DNM3: variants seen among roughly 807,000 people sequenced by gnomAD.
DNM3 encodes dynamin 3.
Under a neutral mutation model 101.6 loss-of-function variants are expected in DNM3, and 47 were observed. That is an observed-to-expected ratio of 0.46 (90% CI 0.37 to 0.59). The LOEUF is 0.59. Among genes scored for constraint, DNM3 ranks in the 20% least tolerant of loss-of-function variants. The pLI is 0.00. For missense variants in DNM3, 849 were observed against 1,085.7 expected (o/e 0.78, Z 3.06); for synonymous variants, 385 against 387.9 (o/e 0.99, Z 0.09).
At chr1:171,842,919 A>G (rs10798695) in intron 1 of DNM3, among the ~76,000 whole-genome samples, 93,100 of 152,110 alleles carry the variant, frequency 0.61, 28,843 homozygotes, top group East Asian at 0.8. Context: ...TTTCCTAGTA[A>G]TAGAAAACCA....
chr1:172,378,109 G>A (rs2068706445), intron 17 of DNM3: 1 of 151,988 alleles, frequency 6.6e-6, no homozygotes, highest in South Asian at 2.1e-4. Flanking sequence ...CTAGAAAGTA[G>A]CCAGACCACT....
At chr1:172,153,429 A>G (rs1474310076) in intron 14 of DNM3, among the ~76,000 whole-genome samples, 1 of 152,174 alleles carries the variant, frequency 6.6e-6, no homozygotes, top group Non-Finnish European at 1.5e-5. Flanking sequence ...TTATTTTATC[A>G]AAAGGCAGTG....
chr1:171,916,532 T>G (rs1242498253), intron 1 of DNM3, among the ~76,000 whole-genome samples: 1 of 152,160 alleles, frequency 6.6e-6, no homozygotes, highest in Non-Finnish European at 1.5e-5. Context: ...AGATTCCACA[T>G]CAAAGCAATC....
intron 1 of DNM3, among the ~76,000 whole-genome samples, chr1:171,903,351 G>T (rs2038544450): frequency 6.6e-6 from 1 of 151,994 alleles, no homozygotes; most frequent in Non-Finnish European, 1.5e-5. Context: ...TCTTTCCTTT[G>T]TACTTGGATA....
intron 18 of DNM3, among the ~76,000 whole-genome samples, chr1:172,383,857 T>C (rs1474599649): frequency 6.6e-6 from 1 of 152,204 alleles, no homozygotes; most frequent in Non-Finnish European, 1.5e-5. Flanking sequence ...TGAGGTTTCA[T>C]GTGTGAGAAC....
chr1:172,063,282 ATAGCG>A (rs2051389774), intron 10 of DNM3, among the ~76,000 whole-genome samples: 1 of 152,156 alleles, frequency 6.6e-6, no homozygotes, highest in Non-Finnish European at 1.5e-5. Flanking sequence ...ATGTACTAGC[ATAGCG>A]TAGATCTTAT....
In DNM3 at chr1:171,927,507, T is replaced by C. The variant is rs558363797; in HGVS notation, c.235+5686T>C. On this transcript the variant is annotated intron_variant, in intron 2 of 20. Coordinates refer to ENST00000627582, the MANE Select transcript of DNM3 (RefSeq NM_015569.5). ...AGTGAGAAAATGCAATATTTGGTTT[T>C]CTGTTCCTGCGTTAGTTTGCCAAGG... 2.6e-5 allele frequency among the ~76,000 whole-genome samples: 4 copies of C among 152,352 alleles called. No individual in the cohort carries two copies. In the South Asian group the frequency reaches 8.3e-4, roughly 32 times the overall value.
At chr1:172,167,113 C>A (rs1377038717) in intron 14 of DNM3, among the ~76,000 whole-genome samples, 1 of 151,956 alleles carries the variant, frequency 6.6e-6, no homozygotes, top group Non-Finnish European at 1.5e-5. Flanking sequence ...TGTTCCTCAC[C>A]CTGTGTCCAA....
At chr1:171,903,571 G>T (rs1046543256) in intron 1 of DNM3, among the ~76,000 whole-genome samples, 1 of 152,170 alleles carries the variant, frequency 6.6e-6, no homozygotes, top group Non-Finnish European at 1.5e-5. Context: ...GAAAGTACAG[G>T]TAAAAGAGAG....
At chr1:171,999,569 T>C (rs138686859) in intron 4 of DNM3, among the ~76,000 whole-genome samples, 120 of 152,278 alleles carry the variant, frequency 7.9e-4, no homozygotes, top group Middle Eastern at 3.4e-3. Context: ...TATAGTGGTA[T>C]ACAGGTTTAA....
At chr1:172,081,393 GA>G (rs1178707330) in intron 11 of DNM3, among the ~76,000 whole-genome samples, 1 of 151,892 alleles carries the variant, frequency 6.6e-6, no homozygotes, top group African/African-American at 2.4e-5. Flanking sequence ...AGAGGAGAGA[GA>G]AAAAAAGAGG....
At chr1:172,199,440 G>A (rs926649457) in intron 14 of DNM3, among the ~76,000 whole-genome samples, 1 of 151,952 alleles carries the variant, frequency 6.6e-6, no homozygotes, top group Admixed American at 6.6e-5. Flanking sequence ...TGTCCATGTC[G>A]AGTTTAGGTT....
intron 14 of DNM3, among the ~76,000 whole-genome samples, chr1:172,184,358 T>G (rs914789779): frequency 6.6e-6 from 1 of 152,144 alleles, no homozygotes; most frequent in Non-Finnish European, 1.5e-5. Flanking sequence ...TTGTAAGACA[T>G]ACCCACTACA....
At chr1:172,211,426 G>A (rs1385348795) in intron 14 of DNM3, among the ~76,000 whole-genome samples, 1 of 152,118 alleles carries the variant, frequency 6.6e-6, no homozygotes, top group Admixed American at 6.6e-5. Flanking sequence ...TATAGTCTGG[G>A]AGACATTCCA....
rs1226825433 is a variant in DNM3, at chr1:172,388,765, A to C, written c.2478A>C (p.Pro826=). 4 of 1,608,150 alleles carry C rather than the reference A, an allele frequency of 2.5e-6. No homozygotes were observed. The highest frequency in any genetic ancestry group is 3.4e-6 in the Non-Finnish European group (4 of 1,177,284). ...GCAGTGACTCCTTCGGAGCCCCTCC[A>C]CAAGTTCCATCTAGGCCTACGAGGG... ...PSSSDSFGAP[P]QVPSRPTRAP... The change falls in exon 20 of 21, where the codon CCA becomes CCC. Residue 826 remains proline (P), a synonymous_variant. Transcript: ENST00000627582.
intron 14 of DNM3, among the ~76,000 whole-genome samples, chr1:172,162,510 G>C (rs952052334): frequency 9.2e-5 from 14 of 151,958 alleles, no homozygotes; most frequent in African/African-American, 2.9e-4. Context: ...TAGAAAGAAA[G>C]AGAGATGGCT....
In DNM3 at chr1:172,238,065, TATAA is replaced by T. The variant is rs561542923; in HGVS notation, c.1660-15504_1660-15501del. ...TCTGCCCTTTTTTTCATTACCATAC[TATAA>T]ATACATTACTACCACTTGGTGCAAA... On this transcript the variant is annotated intron_variant, in intron 14 of 20. Transcript: ENST00000627582. Among the ~76,000 whole-genome samples, 7 of 152,308 alleles carry T rather than the reference TATAA, an allele frequency of 4.6e-5. No individual in the cohort carries two copies. The East Asian group carries it at 1.4e-3, about 29-fold the overall frequency.
chr1:172,210,111 T>G (rs1325747513), intron 14 of DNM3, among the ~76,000 whole-genome samples: 2 of 151,990 alleles, frequency 1.3e-5, no homozygotes, highest in Non-Finnish European at 2.9e-5. Flanking sequence ...GTGAGTTAGG[T>G]AAGGAAGGAA....
chr1:172,085,249 G>GA (rs112264494), intron 12 of DNM3, among the ~76,000 whole-genome samples: 313 of 140,370 alleles, frequency 2.2e-3, no homozygotes, highest in South Asian at 0.01. Flanking sequence ...CTCTGCTTTA[G>GA]AAAAAAAAAA....
Sources: allele counts gnomAD v4.1 joint callset (sites outside exome capture counted in the v4.1 genomes callset), GRCh38; gene constraint gnomAD v4.1.1; transcripts MANE v1.5; gene names NCBI Gene and HGNC (gene_info 2026-07-23, HGNC 2026-07-21).